The following KDM3A variants were observed in gnomAD, a reference collection of about 807,000 sequenced individuals.
The protein encoded by KDM3A is lysine demethylase 3A.
Under a neutral mutation model 158.0 loss-of-function variants are expected in KDM3A, and 60 were observed. The observed-to-expected ratio is 0.38, with a 90% CI of 0.31 to 0.47. The LOEUF is 0.47. Among genes scored for constraint, KDM3A ranks in the 20% least tolerant of loss-of-function variants. The pLI, the probability that KDM3A is intolerant of heterozygous loss-of-function variation, is 0.99. For missense variants in KDM3A, 1,319 were observed against 1,574.3 expected (o/e 0.84, Z 2.74); for synonymous variants, 608 against 549.3 (o/e 1.11, Z -1.49).
chr2:86,469,777 A>T (rs991774949), intron 10 of KDM3A, among the ~76,000 whole-genome samples: 4 of 152,214 alleles, frequency 2.6e-5, no homozygotes, highest in African/African-American at 7.2e-5. Flanking sequence ...TTAAAAACAC[A>T]CCTTAAACCA....
intron 8 of KDM3A, among the ~76,000 whole-genome samples, chr2:86,463,704 A>T (rs943854515): frequency 4.6e-5 from 7 of 152,222 alleles, no homozygotes; most frequent in Non-Finnish European, 7.3e-5. Context: ...AATGCATGTG[A>T]AGCTGCCACC....
Position 86,480,308 on chromosome 2 carries a change from C to G in KDM3A, c.2458C>G (p.Pro820Ala). The G allele has an allele frequency of 6.2e-7, 1 of 1,614,056 alleles. No individual in the cohort carries two copies. The highest frequency in any genetic ancestry group is 8.5e-7 in the Non-Finnish European group (1 of 1,179,988). Reference sequence around the variant, plus strand: ...GCCTGCCTGTCCAGCCAGCACATCTCCTCTAAACTGGCTGGCCGACCTAAC... The same window carrying G: ...GCCTGCCTGTCCAGCCAGCACATCTGCTCTAAACTGGCTGGCCGACCTAAC... ...MKPACPASTSPLNWLADLTSG... is the reference protein window; with the variant it reads ...MKPACPASTSALNWLADLTSG... The change falls in exon 16 of 26, where the codon CCT becomes GCT. Residue 820 changes from proline to alanine, a missense_variant. This residue lies in a region of KDM3A where 368 missense variants were observed against 415.8 expected (regional missense o/e 0.89). Transcript: ENST00000312912.
Position 86,442,149 on chromosome 2 carries a change from C to T in KDM3A, c.102C>T (p.Asp34=). ...DGSDGSHDSW[D]VERVAEWPWL... The stretch of plus-strand genomic sequence containing the variant: ...GCGATGGCAGCCACGACAGCTGGGA[C>T]GTGGAGCGCGTCGCCGAGTGGCCCT... The change falls in exon 2 of 26, where the codon GAC becomes GAT. Residue 34 remains aspartate, a synonymous_variant. Coordinates refer to ENST00000312912, the MANE Select transcript of KDM3A (RefSeq NM_018433.6). The T allele has an allele frequency of 6.2e-7, 1 of 1,614,128 alleles. No homozygotes were observed. The highest frequency in any genetic ancestry group is 8.5e-7 in the Non-Finnish European group (1 of 1,180,022).
At chr2:86,437,868 T>A (rs879900703), upstream of KDM3A, among the ~76,000 whole-genome samples, 1 of 152,150 alleles carries the variant, frequency 6.6e-6, no homozygotes. Context: ...CATTATCTTT[T>A]TGATTCTTGT....
At position 86,491,299 on chromosome 2, in the gene KDM3A, C is replaced by T. The variant is rs371460976; in HGVS notation, c.3885+24C>T. 20 of 1,610,540 alleles carry T rather than the reference C, an allele frequency of 1.2e-5. No homozygotes were observed. In the African/African-American group the frequency reaches 2.7e-4, roughly 22 times the overall value. Reference sequence around the variant, plus strand: ...AGGTAAAAATAGCACCAATTCCTAGCATTCTTTGGCTATGGCTATGGCTTC... The same window carrying T: ...AGGTAAAAATAGCACCAATTCCTAGTATTCTTTGGCTATGGCTATGGCTTC... On this transcript the variant is annotated intron_variant, in intron 25 of 25. Transcript: ENST00000312912.
intron 15 of KDM3A, 177 bp downstream of exon 15, chr2:86,478,912 CT>C: frequency 1.7e-6 from 1 of 584,292 alleles, no homozygotes; most frequent in East Asian, 3.0e-5. Context: ...CCCGTTCTGA[CT>C]TTTCACATTA....
In KDM3A at chr2:86,449,859, T is replaced by G; in HGVS notation, c.239T>G (p.Val80Gly). Residue 80 changes from valine to glycine, a missense_variant, in exon 3 of 26, where the codon GTC (valine) becomes GGC (glycine). Val to Gly is a moderately radical substitution (Grantham distance 109). Around this residue, in one of 4 missense-constraint regions of KDM3A, gnomAD observed 652 missense variants for 627.2 expected, o/e 1.04. Transcript: ENST00000312912. The part of the protein sequence containing the change: ...ESWRKRRWIE[V>G]YSLLRRAFLV... ...TGGAGGAAAAGAAGATGGATAGAAG[T>G]CTACAGCCTTCTAAGGAGAGCATTT... 6.2e-7 allele frequency: 1 copy of G among 1,613,566 alleles called. No individual in the cohort carries two copies. Among genetic ancestry groups the G allele is most frequent in the Non-Finnish European group, 8.5e-7 (1 of 1,179,652 alleles).
chr2:86,475,454 C>G (rs1386364881), intron 12 of KDM3A, among the ~76,000 whole-genome samples: 2 of 152,152 alleles, frequency 1.3e-5, no homozygotes, highest in Non-Finnish European at 2.9e-5. Context: ...TTGTTAGAGT[C>G]AAGGTTTGAA....
At chr2:86,455,227 C>A in intron 5 of KDM3A, 40 bp downstream of exon 5, 1 of 1,069,872 alleles carries the variant, frequency 9.3e-7, no homozygotes, top group Non-Finnish European at 1.4e-6. Context: ...ACGAGTTGAC[C>A]AATGATTAGC....
intron 11 of KDM3A, among the ~76,000 whole-genome samples, chr2:86,471,304 TG>T (rs1673393653): frequency 6.6e-6 from 1 of 151,794 alleles, no homozygotes; most frequent in Non-Finnish European, 1.5e-5. Context: ...TATGTGTGTA[TG>T]TGTATATATG....
Position 86,485,787 on chromosome 2 carries a change from C to A in KDM3A, c.3241C>A (p.Leu1081Met). ...CGAGTACACAAGGCGAGATGGCAAACTGAATTTGGCCTCTAGGCTGCCAAA... is the reference window on the plus strand; with the variant it reads ...CGAGTACACAAGGCGAGATGGCAAAATGAATTTGGCCTCTAGGCTGCCAAA... Reference protein sequence around the residue: ...LPEYTRRDGKLNLASRLPNYF... With the variant: ...LPEYTRRDGKMNLASRLPNYF... The change falls in exon 21 of 26, where the codon CTG becomes ATG. Residue 1081 changes from leucine to methionine, a missense_variant. Leu to Met is a conservative substitution (Grantham distance 15, BLOSUM62 2). This residue lies in a region of KDM3A where 186 missense variants were observed against 340.9 expected (regional missense o/e 0.55). Coordinates refer to ENST00000312912, the MANE Select transcript of KDM3A (RefSeq NM_018433.6). The A allele has an allele frequency of 6.2e-7, 1 of 1,614,130 alleles. No individual in the cohort carries two copies. Among genetic ancestry groups the A allele is most frequent in the Non-Finnish European group, 8.5e-7 (1 of 1,179,998 alleles).
At chr2:86,491,367 C>A in intron 25 of KDM3A, 92 bp downstream of exon 25, 1 of 1,315,660 alleles carries the variant, frequency 7.6e-7, no homozygotes, top group Non-Finnish European at 1.1e-6. Flanking sequence ...GTGAACTTGG[C>A]CATATCGTAC....
At chr2:86,442,263 G>C (rs1013429261) in intron 2 of KDM3A, 30 bp downstream of exon 2, 1 of 1,582,140 alleles carries the variant, frequency 6.3e-7, no homozygotes, top group Non-Finnish European at 8.6e-7. Context: ...TCTGCCACCG[G>C]ACGTTTCGCA....
upstream of KDM3A, among the ~76,000 whole-genome samples, chr2:86,438,574 AT>A (rs1380915225): frequency 2.0e-5 from 3 of 152,076 alleles, no homozygotes; most frequent in African/African-American, 7.2e-5. Flanking sequence ...TCCACAATGT[AT>A]ATCTATACCA....
intron 1 of KDM3A, 102 bp from the exon 2 acceptor site, chr2:86,441,916 C>T (rs1281269609): frequency 8.8e-6 from 8 of 909,408 alleles, no homozygotes; most frequent in African/African-American, 5.3e-5. Flanking sequence ...GGGGCCGCGT[C>T]CTCGCGCGGG....
intron 15 of KDM3A, chr2:86,479,938 C>A: frequency 1.8e-6 from 1 of 542,016 alleles, no homozygotes; most frequent in Non-Finnish European, 3.3e-6. Context: ...TGAAAGGGTG[C>A]GGGGGGTAAT....
At chr2:86,443,455 G>C (rs1477835309) in intron 2 of KDM3A, 2 of 152,138 alleles carry the variant, frequency 1.3e-5, no homozygotes, top group African/African-American at 4.8e-5. Context: ...TGAAAAGGAG[G>C]AGTGACCGAA....
chr2:86,488,188 A>G (rs781028570), intron 21 of KDM3A: 13 of 152,080 alleles, frequency 8.5e-5, no homozygotes, highest in Admixed American at 6.6e-4. Context: ...CCATGTGTTC[A>G]TTTCATTCAT....
chr2:86,442,791 CTG>C (rs1682790814), intron 2 of KDM3A, among the ~76,000 whole-genome samples: 1 of 151,842 alleles, frequency 6.6e-6, no homozygotes, highest in Non-Finnish European at 1.5e-5. Context: ...TCCTGGTTGT[CTG>C]TGATGAGCCG....
Sources: gnomAD v4.1 joint callset for allele counts (sites outside exome capture counted in the v4.1 genomes callset) on GRCh38, gnomAD v4.1.1 for gene constraint, gnomAD v4.1.1 regional missense constraint, MANE v1.5 for transcripts, NCBI Gene and HGNC (gene_info 2026-07-23, HGNC 2026-07-21) for gene names.